Variants in PCYT1A observed in about 807,000 individuals in gnomAD.
The protein encoded by PCYT1A is choline-phosphate cytidylyltransferase A.
PCYT1A carries 25 observed loss-of-function variants against 43.7 expected under a neutral mutation model. The observed-to-expected ratio is 0.57, with a 90% CI of 0.42 to 0.80. PCYT1A has a LOEUF of 0.80. Ranked by LOEUF, PCYT1A falls within the 30% of genes least tolerant of loss-of-function variation. PCYT1A has a pLI of 0.00. For synonymous variants in PCYT1A, 172 were observed against 170.7 expected (o/e 1.01, Z -0.06); for missense variants, 421 against 474.2 (o/e 0.89, Z 1.04).
rs60399134 is a variant in PCYT1A at position 196,242,714 on chromosome 3, C to T, written c.487-74G>A. On this transcript the variant is annotated intron_variant, in intron 5 of 8. Transcript: ENST00000431016. This position sits in a 1 kb window ranked among gnomAD's most constrained non-coding sequence, Gnocchi z 4.2. ...AAGACCCAGTCAATGTTCTCAGGCC[C>T]AGAAAAAGGACAATAGGCAGAGGCC... 3 of 1,000,266 alleles carry T rather than the reference C, an allele frequency of 3.0e-6. No individual in the cohort carries two copies. Among genetic ancestry groups the T allele is most frequent in the South Asian group, 2.6e-5 (2 of 78,142 alleles). The allele number at this position is 1,000,266 out of a possible 1,614,324, so 62.0% of individuals were successfully genotyped here.
chr3:196,270,127 G>A (rs997385760), intron 2 of PCYT1A, among the ~76,000 whole-genome samples: 1 of 152,156 alleles, frequency 6.6e-6, no homozygotes, highest in African/African-American at 2.4e-5. Flanking sequence ...GCCTCCCAAA[G>A]TGTGGGATTA....
Position 196,273,114 on chromosome 3 carries a change from G to A in PCYT1A, c.-10-2573C>T, listed in dbSNP as rs1317108633. On this transcript the variant is annotated intron_variant, in intron 1 of 8. Transcript: ENST00000431016. This position sits in a 1 kb window ranked among gnomAD's most constrained non-coding sequence, Gnocchi z 4.1. Reference sequence around the variant, plus strand: ...CGAGGCGCCAGCTCCCTGAGAGGCTGCAGCTGAACCAGGCGTACTACAAGC... The same window carrying A: ...CGAGGCGCCAGCTCCCTGAGAGGCTACAGCTGAACCAGGCGTACTACAAGC... Among the ~76,000 whole-genome samples, 2 of 152,214 alleles carry A rather than the reference G, an allele frequency of 1.3e-5. No homozygotes were observed. Among genetic ancestry groups the A allele is most frequent in the African/African-American group, 2.4e-5 (1 of 41,460 alleles).
At position 196,247,370 on chromosome 3, in the gene PCYT1A, G is replaced by A. The variant is rs1560164703; in HGVS notation, c.483C>T (p.His161=). The part of the protein sequence containing the change: ...WTLTPEFLAE[H]RIDFVAHDDI... ...GAATATGTGTCCAGTTTCTTACCCG[G>A]TGTTCGGCCAGGAACTCGGGTGTCA... is the stretch of plus-strand genomic sequence containing the variant. The change falls in exon 5 of 9, where the codon CAC becomes CAT. Residue 161 remains histidine (H), a synonymous_variant. Coordinates refer to ENST00000431016, the MANE Select transcript of PCYT1A (RefSeq NM_001312673.2). This position sits in a 1 kb window ranked among gnomAD's most constrained non-coding sequence, Gnocchi z 4.8. 6.2e-7 allele frequency: 1 copy of A among 1,613,982 alleles called. No homozygotes were observed. The highest frequency in any genetic ancestry group is 8.5e-7 in the Non-Finnish European group (1 of 1,180,012).
Position 196,248,242 on chromosome 3 carries a change from T to C in PCYT1A, c.299A>G (p.Lys100Arg), listed in dbSNP as rs1724631159. The C allele has an allele frequency of 6.2e-7, 1 of 1,612,604 alleles. No homozygotes were observed. Among genetic ancestry groups the C allele is most frequent in the Non-Finnish European group, 8.5e-7 (1 of 1,178,564 alleles). ...GAGGTACGTATTAGGGAAAAGGTTC[T>C]TCGCTTGCATCAGAGCTCGGGCGTG... ...SGHARALMQAKNLFPNTYLIV... is the reference protein window; with the variant it reads ...SGHARALMQARNLFPNTYLIV... The change falls in exon 4 of 9, where the codon AAG becomes AGG. Residue 100 changes from lysine (K) to arginine (R), a missense_variant. Transcript: ENST00000431016.
intron 1 of PCYT1A, among the ~76,000 whole-genome samples, chr3:196,271,659 G>A (rs1346677362): frequency 2.3e-5 from 3 of 129,318 alleles, no homozygotes; most frequent in Admixed American, 1.6e-4. Flanking sequence ...GAGTGCAGTG[G>A]CACGATCTCG....
intron 1 of PCYT1A, chr3:196,283,655 G>T (rs982134530): frequency 6.6e-6 from 1 of 151,790 alleles, no homozygotes; most frequent in African/African-American, 2.4e-5. Flanking sequence ...AATCACAGAT[G>T]AAACATGTGT....
At position 196,265,691 on chromosome 3, in the gene PCYT1A, G is replaced by A. The variant is rs758083433; in HGVS notation, c.117+4724C>T. On this transcript the variant is annotated intron_variant, in intron 2 of 8. Coordinates refer to ENST00000431016, the MANE Select transcript of PCYT1A (RefSeq NM_001312673.2). ...TCATCTCAGCACTTAGGGAGGCAGA[G>A]GTGGGCGGATAGCTTGAGCCCAGGG... Among the ~76,000 whole-genome samples, 11 of 151,996 alleles carry A rather than the reference G, an allele frequency of 7.2e-5. No homozygotes were observed. In the East Asian group the frequency reaches 1.8e-3, roughly 24 times the overall value.
intron 1 of PCYT1A, among the ~76,000 whole-genome samples, chr3:196,279,231 T>A (rs1451979988): frequency 6.8e-6 from 1 of 146,440 alleles, no homozygotes; most frequent in African/African-American, 2.6e-5. Context: ...GAGGCTGCAG[T>A]GAGCCATGAT....
chr3:196,286,991 G>C (rs568379934), intron 1 of PCYT1A, among the ~76,000 whole-genome samples: 33 of 152,374 alleles, frequency 2.2e-4, no homozygotes, highest in African/African-American at 7.7e-4. Flanking sequence ...GAAACCCATA[G>C]TGTGGGAGGC....
chr3:196,249,447 A>G (rs1205826466), intron 3 of PCYT1A, among the ~76,000 whole-genome samples: 1 of 151,704 alleles, frequency 6.6e-6, no homozygotes, highest in Non-Finnish European at 1.5e-5. Context: ...CTATAAAGAG[A>G]TTTTTGACAT....
At chr3:196,284,409 T>C (rs149752155) in intron 1 of PCYT1A, among the ~76,000 whole-genome samples, 178 of 152,306 alleles carry the variant, frequency 1.2e-3, no homozygotes, top group Middle Eastern at 3.4e-3. Context: ...ATACAAAATT[T>C]GGTAAGTTCA....
chr3:196,263,997 A>C (rs1725196315), intron 2 of PCYT1A, among the ~76,000 whole-genome samples: 1 of 152,188 alleles, frequency 6.6e-6, no homozygotes, highest in Non-Finnish European at 1.5e-5. Flanking sequence ...CATTTCAGTG[A>C]ATGTAAACAA....
At chr3:196,274,579 A>G (rs1293018711) in intron 1 of PCYT1A, among the ~76,000 whole-genome samples, 1 of 152,254 alleles carries the variant, frequency 6.6e-6, no homozygotes, top group Non-Finnish European at 1.5e-5. Context: ...TCTGCACAAG[A>G]TACGGTTCAG....
At chr3:196,272,557 G>A (rs988917533) in intron 1 of PCYT1A, among the ~76,000 whole-genome samples, 5 of 152,244 alleles carry the variant, frequency 3.3e-5, no homozygotes, top group Admixed American at 3.3e-4. Context: ...GACCTCAGGT[G>A]ATCCACCCAC....
chr3:196,237,203 A>T lies in PCYT1A; in HGVS notation c.*1485T>A, dbSNP rs1479409727. The T allele has an allele frequency of 6.6e-6, 1 of 152,250 alleles. No individual in the cohort carries two copies. Among genetic ancestry groups the T allele is most frequent in the African/African-American group, 2.4e-5 (1 of 41,454 alleles). The allele number at this position is 152,250 out of a possible 1,614,324, so 9.4% of individuals were successfully genotyped here. A position where few individuals can be genotyped will look rare whatever the true frequency, so the allele number is the denominator to read the frequency against. ...AGTGACAGGGGTGGGGCCTGGACATAAGCAATTTTCCCCTGGATCTAGCCA... is the reference window on the plus strand; with the variant it reads ...AGTGACAGGGGTGGGGCCTGGACATTAGCAATTTTCCCCTGGATCTAGCCA... On this transcript the variant is annotated 3_prime_UTR_variant, in exon 9 of 9. Coordinates refer to ENST00000431016, the MANE Select transcript of PCYT1A (RefSeq NM_001312673.2).
In PCYT1A at chr3:196,242,006, G is replaced by A. The variant is rs375261933; in HGVS notation, c.650C>T (p.Ala217Val). ...GTAGCCCCTCTGCAGGTTCCGCCTC[G>A]CATACACATCATAATCCCGCACAAT... ...TRIVRDYDVYARRNLQRGYTA... is the reference protein window; with the variant it reads ...TRIVRDYDVYVRRNLQRGYTA... The change falls in exon 7 of 9, where the codon GCG becomes GTG. Residue 217 changes from alanine to valine, a missense_variant. This residue lies in a region of PCYT1A where 174 missense variants were observed against 270.7 expected (regional missense o/e 0.64). Coordinates refer to ENST00000431016, the MANE Select transcript of PCYT1A (RefSeq NM_001312673.2). This position sits in a 1 kb window ranked among gnomAD's most constrained non-coding sequence, Gnocchi z 4.2. The A allele has an allele frequency of 1.9e-5, 31 of 1,613,956 alleles. No individual in the cohort carries two copies. Among genetic ancestry groups the A allele is most frequent in the Middle Eastern group, 3.3e-4 (2 of 6,076 alleles).
chr3:196,261,365 A>G (rs971318335), intron 2 of PCYT1A, among the ~76,000 whole-genome samples: 2 of 152,238 alleles, frequency 1.3e-5, no homozygotes, highest in African/African-American at 4.8e-5. Context: ...CCCAAATTTT[A>G]AAAGATACAT....
Position 196,239,736 on chromosome 3 carries a change from C to G in PCYT1A, c.709-1G>C. 6.3e-7 allele frequency: 1 copy of G among 1,589,580 alleles called. No individual in the cohort carries two copies. The highest frequency in any genetic ancestry group is 8.6e-7 in the Non-Finnish European group (1 of 1,158,142). On this transcript the variant is annotated splice_acceptor_variant, in intron 7 of 8. Coordinates refer to ENST00000431016, the MANE Select transcript of PCYT1A (RefSeq NM_001312673.2). LOFTEE classifies it high-confidence loss of function. Reference sequence around the variant, plus strand: ...TCTCCTGCAAGTGGTATTTCTTCTCCTAGATAAAGAAATAACTCTTCTGAG... The same window carrying G: ...TCTCCTGCAAGTGGTATTTCTTCTCGTAGATAAAGAAATAACTCTTCTGAG...
intron 2 of PCYT1A, among the ~76,000 whole-genome samples, chr3:196,269,726 A>C (rs554112358): frequency 1.3e-5 from 2 of 152,280 alleles, no homozygotes; most frequent in African/African-American, 4.8e-5. Context: ...CTCATCTAAG[A>C]TACAACTAGT....
Sources: gnomAD v4.1 joint callset for allele counts (sites outside exome capture counted in the v4.1 genomes callset) on GRCh38, gnomAD v4.1.1 for gene constraint, gnomAD v4.1.1 regional missense constraint, Gnocchi (gnomAD v3.1) non-coding constraint, MANE v1.5 for transcripts, NCBI Gene and HGNC (gene_info 2026-07-23, HGNC 2026-07-21) for gene names.